CHMP4C: variants seen among roughly 807,000 people sequenced by gnomAD.
CHMP4C encodes the protein SNF7 homolog associated with Alix 3.
CHMP4C carries 28 observed loss-of-function variants against 29.0 expected under a neutral mutation model. The observed-to-expected ratio is 0.97, with a 90% CI of 0.72 to 1.32. The LOEUF is 1.32. CHMP4C is among the 40% of genes most tolerant of loss of function. CHMP4C has a pLI of 0.00. For synonymous variants in CHMP4C, 106 were observed against 102.4 expected (o/e 1.04, Z -0.21); for missense variants, 291 against 281.0 (o/e 1.04, Z -0.25).
At chr8:81,745,794 A>G (rs1278096683) in intron 1 of CHMP4C, among the ~76,000 whole-genome samples, 2 of 152,310 alleles carry the variant, frequency 1.3e-5, no homozygotes, top group East Asian at 3.9e-4. Context: ...ACCACAAAGG[A>G]ATACAGTAGA....
At position 81,734,292 on chromosome 8, in the gene CHMP4C, A is replaced by G. The variant is rs565040838; in HGVS notation, c.190+1476A>G. On this transcript the variant is annotated intron_variant, in intron 1 of 4. Transcript: ENST00000297265. Reference sequence around the variant, plus strand: ...CTTTGCCATCTATTTGGATCTGTGTACAGCTTTGTCTACCATGGTTGCTCA... The same window carrying G: ...CTTTGCCATCTATTTGGATCTGTGTGCAGCTTTGTCTACCATGGTTGCTCA... 2.0e-5 allele frequency among the ~76,000 whole-genome samples: 3 copies of G among 152,268 alleles called. No homozygotes were observed. In the South Asian group the frequency reaches 6.2e-4, roughly 32 times the overall value.
intron 3 of CHMP4C, among the ~76,000 whole-genome samples, chr8:81,757,716 A>G (rs1239259944): frequency 6.6e-6 from 1 of 152,208 alleles, no homozygotes; most frequent in East Asian, 1.9e-4. Flanking sequence ...TACTTTCTGT[A>G]CGTTATGGTT....
At chr8:81,739,178 C>T (rs1014261980) in intron 1 of CHMP4C, among the ~76,000 whole-genome samples, 2 of 149,252 alleles carry the variant, frequency 1.3e-5, no homozygotes, top group East Asian at 4.0e-4. Flanking sequence ...CTCACTGCAA[C>T]CTCTGCCTCC....
At chr8:81,741,803 T>C (rs1362771560) in intron 1 of CHMP4C, among the ~76,000 whole-genome samples, 1 of 152,210 alleles carries the variant, frequency 6.6e-6, no homozygotes, top group Admixed American at 6.5e-5. Flanking sequence ...TTTTCATGCC[T>C]ACTGGTAATT....
At position 81,755,491 on chromosome 8, in the gene CHMP4C, A is replaced by T. The variant is rs1808960948; in HGVS notation, c.483+7A>T. The T allele has an allele frequency of 6.5e-7, 1 of 1,543,990 alleles. No individual in the cohort carries two copies. Among genetic ancestry groups the T allele is most frequent in the Admixed American group, 1.7e-5 (1 of 59,692 alleles). On this transcript the variant is annotated splice_region_variant and intron_variant, in intron 3 of 4. Coordinates refer to ENST00000297265, the MANE Select transcript of CHMP4C (RefSeq NM_152284.4). ...TGGTGATGACTTTGATGAGGTACGT[A>T]ACCCAATATGAAGAATGCAGGATTG...
At chr8:81,753,593 A>G (rs1808936250) in intron 2 of CHMP4C, among the ~76,000 whole-genome samples, 1 of 152,136 alleles carries the variant, frequency 6.6e-6, no homozygotes, top group South Asian at 2.1e-4. Context: ...GGAGGGAATC[A>G]GAATCACCTG....
chr8:81,733,132 G>A (rs1244205458), intron 1 of CHMP4C, among the ~76,000 whole-genome samples: 1 of 152,082 alleles, frequency 6.6e-6, no homozygotes, highest in African/African-American at 2.4e-5. Flanking sequence ...ATAAAGACAA[G>A]ATTGGTATTG....
intron 1 of CHMP4C, among the ~76,000 whole-genome samples, chr8:81,751,580 A>G (rs577481097): frequency 6.6e-6 from 1 of 152,246 alleles, no homozygotes; most frequent in Admixed American, 6.5e-5. Context: ...AGTATATACA[A>G]TTGCCCAACA....
chr8:81,739,418 T>TTGG (rs113653252), intron 1 of CHMP4C, among the ~76,000 whole-genome samples: 2 of 93,564 alleles, frequency 2.1e-5, no homozygotes, highest in African/African-American at 4.1e-5. Context: ...TGGGGGATTG[T>TTGG]GGGGGGGGGT....
intron 1 of CHMP4C, among the ~76,000 whole-genome samples, chr8:81,733,810 C>T (rs1225759093): frequency 1.3e-5 from 2 of 152,180 alleles, no homozygotes; most frequent in African/African-American, 4.8e-5. Context: ...CAATATCGGA[C>T]TCTGCTTACC....
chr8:81,748,291 C>A (rs1032399014), intron 1 of CHMP4C, among the ~76,000 whole-genome samples: 12 of 152,140 alleles, frequency 7.9e-5, no homozygotes, highest in African/African-American at 2.9e-4. Flanking sequence ...ACAATTTGTG[C>A]AGTTAACGCA....
chr8:81,751,672 A>T (rs1430863674), intron 1 of CHMP4C, among the ~76,000 whole-genome samples: 7 of 152,210 alleles, frequency 4.6e-5, no homozygotes, highest in African/African-American at 1.4e-4. Context: ...AAAGCATAAC[A>T]AACAGAAAAC....
At chr8:81,756,365 T>C (rs999703747) in intron 3 of CHMP4C, among the ~76,000 whole-genome samples, 3 of 152,178 alleles carry the variant, frequency 2.0e-5, no homozygotes, top group Admixed American at 6.5e-5. Context: ...ACATGCAGCC[T>C]GCAAATCCTG....
chr8:81,754,814 T>C (rs1221325116), intron 2 of CHMP4C, among the ~76,000 whole-genome samples: 1 of 152,164 alleles, frequency 6.6e-6, no homozygotes, highest in Admixed American at 6.5e-5. Flanking sequence ...GAGGGCTGTA[T>C]AGGTTTAATC....
rs558747616 is a variant in CHMP4C at position 81,741,946 on chromosome 8, A to T, written c.190+9130A>T. Reference sequence around the variant, plus strand: ...AGTCTGAATTAAATATGAAACATACAGTATGCCACTCTTTGAATAATTGAC... The same window carrying T: ...AGTCTGAATTAAATATGAAACATACTGTATGCCACTCTTTGAATAATTGAC... On this transcript the variant is annotated intron_variant, in intron 1 of 4. Coordinates refer to ENST00000297265, the MANE Select transcript of CHMP4C (RefSeq NM_152284.4). 7.2e-5 allele frequency among the ~76,000 whole-genome samples: 11 copies of T among 152,358 alleles called. No individual in the cohort carries two copies. In the South Asian group the frequency reaches 2.3e-3, roughly 32 times the overall value.
chr8:81,732,569 G>A lies in CHMP4C; in HGVS notation c.-58G>A, dbSNP rs1808631226. On this transcript the variant is annotated 5_prime_UTR_variant, in exon 1 of 5. Coordinates refer to ENST00000297265, the MANE Select transcript of CHMP4C (RefSeq NM_152284.4). ...CCTTGCTCACCTGTCCCCTCGGCGC[G>A]GCCCCGGGGAGCTCCCGAGAGGCCC... The A allele has an allele frequency of 1.5e-6, 2 of 1,363,760 alleles. No homozygotes were observed. Among genetic ancestry groups the A allele is most frequent in the Non-Finnish European group, 2.0e-6 (2 of 1,012,896 alleles). The allele number at this position is 1,363,760 out of a possible 1,614,324, so 84.5% of individuals were successfully genotyped here.
chr8:81,742,820 T>C (rs1211413931), intron 1 of CHMP4C, among the ~76,000 whole-genome samples: 1 of 152,214 alleles, frequency 6.6e-6, no homozygotes, highest in Non-Finnish European at 1.5e-5. Flanking sequence ...GGTCAACTAA[T>C]TTGCAAGTAT....
rs1359427364 is a variant in CHMP4C, at chr8:81,759,359, C to T, written c.*815C>T. 6.6e-6 allele frequency: 1 copy of T among 152,302 alleles called. No individual in the cohort carries two copies. Among genetic ancestry groups the T allele is most frequent in the African/African-American group, 2.4e-5 (1 of 41,410 alleles). 9.4% of individuals were successfully genotyped at this position (152,302 alleles called of 1,614,324 possible). ...CACTTAGGGAACTGCGTGAACACTC[C>T]CAGGCCATTATGATGCTGTTACAGC... On this transcript the variant is annotated 3_prime_UTR_variant, in exon 5 of 5. Transcript: ENST00000297265.
chr8:81,733,621 T>A (rs910983433), intron 1 of CHMP4C, among the ~76,000 whole-genome samples: 1 of 152,204 alleles, frequency 6.6e-6, no homozygotes, highest in African/African-American at 2.4e-5. Flanking sequence ...ATTCTTGGTG[T>A]TCCTGTTGCA....
Sources: gnomAD v4.1 joint callset for allele counts (sites outside exome capture counted in the v4.1 genomes callset) on GRCh38, gnomAD v4.1.1 for gene constraint, MANE v1.5 for transcripts, NCBI Gene and HGNC (gene_info 2026-07-23, HGNC 2026-07-21) for gene names.